Variants in LRBA observed in about 807,000 individuals in gnomAD.
LRBA encodes lipopolysaccharide-responsive and beige-like anchor protein.
LRBA carries 176 observed loss-of-function variants against 330.0 expected under a neutral mutation model. The ratio of observed to expected loss-of-function variants is 0.53; its 90% CI spans 0.47 to 0.60. The LOEUF (loss-of-function observed/expected upper bound fraction) is 0.60. Among genes scored for constraint, LRBA ranks in the 20% least tolerant of loss-of-function variants. LRBA has a pLI of 0.00. For synonymous variants in LRBA, 1,230 were observed against 1,193.0 expected, an observed-to-expected ratio of 1.03 and a Z score of -0.64; for missense variants, 3,259 against 3,444.8, an observed-to-expected ratio of 0.95 and a Z score of 1.35.
intron 35 of LRBA, among the ~76,000 whole-genome samples, chr4:150,758,030 T>C (rs1475512274): frequency 6.6e-6 from 1 of 152,182 alleles, no homozygotes; most frequent in Non-Finnish European, 1.5e-5. Context: ...TTCAAACAAC[T>C]GTTTCACCAA....
intron 40 of LRBA, among the ~76,000 whole-genome samples, chr4:150,544,862 T>C (rs557782728): frequency 2.0e-5 from 3 of 152,282 alleles, no homozygotes; most frequent in Non-Finnish European, 2.9e-5. Context: ...CATATGAATA[T>C]AAAATGTTCT....
intron 36 of LRBA, among the ~76,000 whole-genome samples, chr4:150,715,702 G>T (rs1728095298): frequency 6.6e-6 from 1 of 152,176 alleles, no homozygotes; most frequent in African/African-American, 2.4e-5. Flanking sequence ...CAAAATGTTG[G>T]TGAGTTACAG....
chr4:150,433,011 T>G (rs146671074), intron 46 of LRBA, among the ~76,000 whole-genome samples: 159 of 152,252 alleles, frequency 1.0e-3, no homozygotes, highest in African/African-American at 3.5e-3. Flanking sequence ...CTACAGATAT[T>G]AGGGCATGGT....
At chr4:150,517,201 G>A (rs1346729061) in intron 40 of LRBA, among the ~76,000 whole-genome samples, 1 of 152,076 alleles carries the variant, frequency 6.6e-6, no homozygotes, top group Non-Finnish European at 1.5e-5. Flanking sequence ...AAAAACATGA[G>A]AAGATTACGT....
intron 9 of LRBA, among the ~76,000 whole-genome samples, chr4:150,909,492 T>C (rs1731725223): frequency 6.7e-6 from 1 of 149,620 alleles, no homozygotes; most frequent in Admixed American, 6.7e-5. Flanking sequence ...CCCGTGTGTT[T>C]ATGTGTGTTG....
intron 37 of LRBA, 44 bp downstream of exon 37, chr4:150,683,507 A>G: frequency 1.3e-6 from 2 of 1,507,076 alleles, no homozygotes; most frequent in Non-Finnish European, 1.8e-6. Context: ...AACCTAAGCC[A>G]TCTACAGAAA....
chr4:150,812,959 G>C (rs1453391911), intron 31 of LRBA, among the ~76,000 whole-genome samples: 3 of 151,932 alleles, frequency 2.0e-5, no homozygotes, highest in Non-Finnish European at 2.9e-5. Context: ...GGACTTCAAG[G>C]CTTGTCTGGG....
intron 47 of LRBA, among the ~76,000 whole-genome samples, chr4:150,386,061 A>G (rs17504366): frequency 0.38 from 57,347 of 151,860 alleles, 11,668 homozygotes; most frequent in Non-Finnish European, 0.47. Context: ...AGGTGCAATC[A>G]ACTAAAATTT....
intron 40 of LRBA, among the ~76,000 whole-genome samples, chr4:150,504,323 A>G (rs1024288542): frequency 6.6e-6 from 1 of 152,190 alleles, no homozygotes; most frequent in Non-Finnish European, 1.5e-5. Flanking sequence ...AAGGAAAAAA[A>G]TGTTAAATGC....
intron 17 of LRBA, among the ~76,000 whole-genome samples, chr4:150,886,589 C>A (rs1296465): frequency 6.6e-6 from 1 of 152,144 alleles, no homozygotes; most frequent in Non-Finnish European, 1.5e-5. Context: ...GGGGAAAAAC[C>A]AAAGAATGAA....
intron 36 of LRBA, among the ~76,000 whole-genome samples, chr4:150,693,338 C>A (rs963538359): frequency 4.0e-5 from 6 of 151,690 alleles, no homozygotes; most frequent in Non-Finnish European, 5.9e-5. Flanking sequence ...CCGAGGTGGG[C>A]GGATCACGAG....
intron 30 of LRBA, among the ~76,000 whole-genome samples, chr4:150,824,014 C>T (rs566107217): frequency 2.0e-5 from 3 of 152,150 alleles, no homozygotes; most frequent in South Asian, 4.1e-4. Flanking sequence ...CTGTAGATTG[C>T]TTTGGGTAGC....
Position 150,590,727 on chromosome 4 carries a change from A to G in LRBA, c.6179T>C (p.Leu2060Ser), listed in dbSNP as rs772616092. The G allele has an allele frequency of 9.9e-6, 16 of 1,613,592 alleles. No individual in the cohort carries two copies. Among genetic ancestry groups the G allele is most frequent in the Non-Finnish European group, 1.4e-5 (16 of 1,179,896 alleles). The change falls in exon 39 of 57, where the codon TTA (leucine) becomes TCA (serine). Residue 2060 changes from leucine to serine, a missense_variant. By Grantham distance (145) the Leu-to-Ser change is moderately radical (BLOSUM62 -2). Coordinates refer to ENST00000651943, the MANE Select transcript of LRBA (RefSeq NM_001364905.1). ...ACCAAATTTACCGGCAAGATTCTCT[A>G]AATCTTTCTCATCCACGGATGACAG... ...DTLSSVDEKD[L>S]ENLAGPVSLS...
intron 22 of LRBA, among the ~76,000 whole-genome samples, chr4:150,866,588 C>G (rs1160034109): frequency 6.6e-6 from 1 of 152,192 alleles, no homozygotes; most frequent in Admixed American, 6.5e-5. Context: ...GAATACGATA[C>G]TTTGGAAAAG....
intron 36 of LRBA, among the ~76,000 whole-genome samples, chr4:150,704,209 G>A (rs4455394): frequency 0.7 from 106,903 of 151,826 alleles, 42,638 homozygotes; most frequent in Non-Finnish European, 0.9. Flanking sequence ...GCCAGACGCC[G>A]ACTCAAAACA....
rs750246637 is a variant in LRBA, at chr4:150,683,652, T to A, written c.5820A>T (p.Arg1940Ser). 2.5e-6 allele frequency: 4 copies of A among 1,613,740 alleles called. No homozygotes were observed. The highest frequency in any genetic ancestry group is 2.5e-6 in the Non-Finnish European group (3 of 1,179,756). The change falls in exon 37 of 57, where the codon AGA (arginine) becomes AGT (serine). Residue 1940 changes from arginine (R) to serine (S), a missense_variant. Arg to Ser is a moderately radical substitution (Grantham distance 110). Coordinates refer to ENST00000651943, the MANE Select transcript of LRBA (RefSeq NM_001364905.1). ...EDEKMCDHLI[R>S]AAKYRDHVTA... The stretch of plus-strand genomic sequence containing the variant: ...TCACGTGGTCACGATATTTTGCTGC[T>A]CTTATCAAATGATCACACATCTTCT...
intron 2 of LRBA, among the ~76,000 whole-genome samples, chr4:151,003,722 G>A (rs1404347033): frequency 6.6e-6 from 1 of 152,078 alleles, no homozygotes; most frequent in Non-Finnish European, 1.5e-5. Context: ...AGCCCGGGAG[G>A]CTGGGGTTAC....
At chr4:150,338,851 G>A (rs1185960567) in intron 48 of LRBA, among the ~76,000 whole-genome samples, 2 of 152,112 alleles carry the variant, frequency 1.3e-5, no homozygotes, top group East Asian at 3.9e-4. Flanking sequence ...ATTTGAGGAT[G>A]AGAGCTTTCT....
At chr4:150,398,640 T>TC (rs1051976612) in intron 47 of LRBA, among the ~76,000 whole-genome samples, 1 of 151,928 alleles carries the variant, frequency 6.6e-6, no homozygotes, top group African/African-American at 2.4e-5. Context: ...TTTCTTTTTT[T>TC]TTTTGAGACA....
Sources: gnomAD v4.1 joint callset for allele counts (sites outside exome capture counted in the v4.1 genomes callset) on GRCh38, gnomAD v4.1.1 for gene constraint, MANE v1.5 for transcripts, NCBI Gene and HGNC (gene_info 2026-07-23, HGNC 2026-07-21) for gene names.